The following PDGFD variants were observed in gnomAD, a reference collection of about 807,000 sequenced individuals.
The protein encoded by PDGFD is platelet-derived growth factor D.
Under a neutral mutation model 44.7 loss-of-function variants are expected in PDGFD, and 30 were observed. The ratio of observed to expected loss-of-function variants is 0.67; its 90% CI spans 0.50 to 0.91. PDGFD has a LOEUF of 0.91. Among genes scored for constraint, PDGFD ranks in the 40% least tolerant of loss-of-function variants. The probability of loss-of-function intolerance (pLI) is 0.00; values close to 1 mark genes in which losing one functional copy is unlikely to be tolerated. For missense variants in PDGFD, 445 were observed against 457.8 expected, an observed-to-expected ratio of 0.97 and a Z score of 0.25; for synonymous variants, 173 against 168.4, an observed-to-expected ratio of 1.03 and a Z score of -0.21.
At chr11:104,142,453 A>G (rs1465747266) in intron 1 of PDGFD, among the ~76,000 whole-genome samples, 1 of 152,180 alleles carries the variant, frequency 6.6e-6, no homozygotes, top group Admixed American at 6.5e-5. Flanking sequence ...GTGTATATAT[A>G]TAGTATATGT....
intron 1 of PDGFD, among the ~76,000 whole-genome samples, chr11:104,035,152 T>G (rs1330650237): frequency 6.6e-6 from 1 of 152,110 alleles, no homozygotes; most frequent in African/African-American, 2.4e-5. Flanking sequence ...TGAATTTTCC[T>G]ACAGAACTGA....
intron 1 of PDGFD, among the ~76,000 whole-genome samples, chr11:104,099,842 C>A (rs959639602): frequency 6.6e-6 from 1 of 151,858 alleles, no homozygotes; most frequent in Admixed American, 6.6e-5. Context: ...CAATTGCTAA[C>A]GTAGATATCA....
chr11:103,920,794 C>T (rs1200477630), intron 6 of PDGFD, among the ~76,000 whole-genome samples: 1 of 152,170 alleles, frequency 6.6e-6, no homozygotes, highest in African/African-American at 2.4e-5. Context: ...AGTGAATTAA[C>T]TTTTTTATAA....
intron 6 of PDGFD, among the ~76,000 whole-genome samples, chr11:103,924,367 C>T (rs186648953): frequency 3.5e-4 from 53 of 152,268 alleles, no homozygotes; most frequent in African/African-American, 1.2e-3. Flanking sequence ...TTATAAAATT[C>T]AGGTTCTTAG....
At chr11:103,991,565 T>C (rs1246495709) in intron 3 of PDGFD, among the ~76,000 whole-genome samples, 1 of 152,204 alleles carries the variant, frequency 6.6e-6, no homozygotes, top group Non-Finnish European at 1.5e-5. Flanking sequence ...ATTTTATTAA[T>C]AAAAGAAGAA....
intron 1 of PDGFD, among the ~76,000 whole-genome samples, chr11:104,064,907 G>A (rs1860766800): frequency 6.6e-6 from 1 of 152,206 alleles, no homozygotes; most frequent in Admixed American, 6.5e-5. Flanking sequence ...TGGAATTGAA[G>A]GATACAAAGC....
chr11:104,024,060 G>A (rs548159237), intron 1 of PDGFD, among the ~76,000 whole-genome samples: 5 of 152,000 alleles, frequency 3.3e-5, no homozygotes, highest in South Asian at 2.1e-4. Flanking sequence ...TAACATTAAC[G>A]AAAGCTCTCA....
At chr11:103,972,441 C>G (rs192194263) in intron 3 of PDGFD, among the ~76,000 whole-genome samples, 1 of 152,272 alleles carries the variant, frequency 6.6e-6, no homozygotes, top group African/African-American at 2.4e-5. Context: ...CCTTTTTATT[C>G]TTCCTCTTTT....
Position 103,907,415 on chromosome 11 carries a change from T to C in PDGFD, c.*2279A>G, listed in dbSNP as rs1487528147. Reference sequence around the variant, plus strand: ...GGATTTATTAGGGTTTGTTTTGAAATGTAATTTGTACGGCCAGCTTTTTAT... The same window carrying C: ...GGATTTATTAGGGTTTGTTTTGAAACGTAATTTGTACGGCCAGCTTTTTAT... On this transcript the variant is annotated 3_prime_UTR_variant, in exon 7 of 7. Coordinates refer to ENST00000393158, the MANE Select transcript of PDGFD (RefSeq NM_025208.5). The C allele has an allele frequency of 2.0e-5, 3 of 152,316 alleles. No homozygotes were observed. Among genetic ancestry groups the C allele is most frequent in the South Asian group, 2.1e-4 (1 of 4,824 alleles). The allele number at this position is 152,316 out of a possible 1,614,324, so 9.4% of individuals were successfully genotyped here. A position where few individuals can be genotyped will look rare whatever the true frequency, so the allele number is the denominator to read the frequency against.
At chr11:104,101,774 A>T (rs755855511) in intron 1 of PDGFD, among the ~76,000 whole-genome samples, 1 of 152,108 alleles carries the variant, frequency 6.6e-6, no homozygotes, top group Non-Finnish European at 1.5e-5. Context: ...ATAATGCCGC[A>T]TATCTACAAC....
intron 1 of PDGFD, among the ~76,000 whole-genome samples, chr11:104,090,227 C>T (rs1231404456): frequency 1.3e-5 from 2 of 152,034 alleles, no homozygotes; most frequent in African/African-American, 4.8e-5. Context: ...ATAGATTTTC[C>T]AATTTTAACA....
chr11:104,137,728 C>CTTTTTTTTTTTTTTTTTTTTT (rs5794295), intron 1 of PDGFD, among the ~76,000 whole-genome samples: 3 of 76,616 alleles, frequency 3.9e-5, no homozygotes, highest in African/African-American at 1.4e-4. Context: ...TAGATCACCA[C>CTTTTTTTTTTTTTTTTTTTTT]TTTTTTTTTT....
chr11:103,924,020 G>C (rs1179549870), intron 6 of PDGFD, among the ~76,000 whole-genome samples: 1 of 152,188 alleles, frequency 6.6e-6, no homozygotes, highest in East Asian at 1.9e-4. Flanking sequence ...TGCAAGTAAT[G>C]GTTATTGTGT....
intron 1 of PDGFD, among the ~76,000 whole-genome samples, chr11:104,125,533 T>C (rs1861830140): frequency 6.6e-6 from 1 of 152,056 alleles, no homozygotes; most frequent in South Asian, 2.1e-4. Context: ...CATATGAAAA[T>C]TGTCAGGGAC....
intron 1 of PDGFD, among the ~76,000 whole-genome samples, chr11:104,112,720 A>G (rs1861577322): frequency 6.6e-6 from 1 of 152,164 alleles, no homozygotes; most frequent in Non-Finnish European, 1.5e-5. Flanking sequence ...TGTCCTTTGC[A>G]GGCACCTGAA....
intron 3 of PDGFD, among the ~76,000 whole-genome samples, chr11:103,993,982 G>T (rs189117837): frequency 3.6e-4 from 55 of 152,104 alleles, no homozygotes; most frequent in African/African-American, 1.3e-3. Context: ...CCAGGAGAGT[G>T]ATGCCAAACA....
At chr11:103,971,612 T>C (rs1859103919) in intron 3 of PDGFD, among the ~76,000 whole-genome samples, 1 of 152,230 alleles carries the variant, frequency 6.6e-6, no homozygotes. Flanking sequence ...CTATGTGGTA[T>C]ATATACTTAC....
intron 1 of PDGFD, among the ~76,000 whole-genome samples, chr11:104,161,950 A>AGTGT (rs3050634): frequency 0.029 from 4,317 of 148,936 alleles, 179 homozygotes; most frequent in African/African-American, 0.092. Context: ...AATCAAAGAG[A>AGTGT]GTGTGTGTGT....
chr11:104,085,010 A>G (rs1166886928), intron 1 of PDGFD, among the ~76,000 whole-genome samples: 5 of 150,304 alleles, frequency 3.3e-5, no homozygotes, highest in African/African-American at 1.2e-4. Context: ...CCCAATGATA[A>G]TATCTTACAT....
Sources: gnomAD v4.1 joint callset for allele counts (sites outside exome capture counted in the v4.1 genomes callset) on GRCh38, gnomAD v4.1.1 for gene constraint, MANE v1.5 for transcripts, NCBI Gene and HGNC (gene_info 2026-07-23, HGNC 2026-07-21) for gene names.